NCAPD3: variants seen among roughly 807,000 people sequenced by gnomAD.
NCAPD3 encodes condensin-2 complex subunit D3.
A neutral mutation model predicts 182.9 loss-of-function variants in NCAPD3; 105 were observed. That is an observed-to-expected ratio of 0.57 (90% CI 0.49 to 0.68). The LOEUF is 0.68. Among genes scored for constraint, NCAPD3 ranks in the 30% least tolerant of loss-of-function variants. NCAPD3 has a pLI of 0.00. For synonymous variants in NCAPD3, 815 were observed against 679.9 expected (o/e 1.20, Z -3.09); for missense variants, 1,944 against 1,837.0 (o/e 1.06, Z -1.07).
At chr11:134,208,103 T>A (rs749199223) in intron 7 of NCAPD3, among the ~76,000 whole-genome samples, 2 of 152,186 alleles carry the variant, frequency 1.3e-5, no homozygotes, top group Non-Finnish European at 2.9e-5. Context: ...TAGTAAGTGG[T>A]GAAGTCAGAA....
chr11:134,170,517 T>G (rs1204863988), intron 24 of NCAPD3, among the ~76,000 whole-genome samples: 1 of 152,256 alleles, frequency 6.6e-6, no homozygotes, highest in East Asian at 1.9e-4. Context: ...GCATGGCAGT[T>G]TCCACATTAT....
chr11:134,206,601 G>A lies in NCAPD3; in HGVS notation c.1014C>T (p.Ile338=). The change falls in exon 8 of 35, where the codon ATC becomes ATT. Residue 338 remains isoleucine (I), a splice_region_variant and synonymous_variant. Coordinates refer to ENST00000534548, the MANE Select transcript of NCAPD3 (RefSeq NM_015261.3). ...AATTCACGATTTGTGTGCTTCACCT[G>A]ATAAACTGGACCGCCTGGTTTCTAC... The part of the protein sequence containing the change: ...INCRNQAVQF[I]SALVDELKES... 3 of 1,613,444 alleles carry A rather than the reference G, an allele frequency of 1.9e-6. No individual in the cohort carries two copies. The highest frequency in any genetic ancestry group is 2.5e-6 in the Non-Finnish European group (3 of 1,179,720).
intron 13 of NCAPD3, among the ~76,000 whole-genome samples, chr11:134,195,563 AT>A (rs1944610769): frequency 6.6e-6 from 1 of 152,204 alleles, no homozygotes; most frequent in South Asian, 2.1e-4. Context: ...AAAAATAACT[AT>A]ATTTTCCAAA....
At chr11:134,224,433 G>C (rs546889957), upstream of NCAPD3, 1 of 170,204 alleles carries the variant, frequency 5.9e-6, no homozygotes, top group African/African-American at 2.4e-5. Context: ...AAAGCACTCC[G>C]AGAAGACAAG....
chr11:134,205,343 T>C (rs117678422), intron 8 of NCAPD3, among the ~76,000 whole-genome samples: 290 of 152,250 alleles, frequency 1.9e-3, no homozygotes, highest in Non-Finnish European at 2.9e-3. Flanking sequence ...AATGCATTAG[T>C]AACATTACTT....
At chr11:134,158,581 G>C in intron 29 of NCAPD3, 86 bp from the exon 30 acceptor site, 1 of 1,397,148 alleles carries the variant, frequency 7.2e-7, no homozygotes, top group South Asian at 1.3e-5. Context: ...ATGGTTGGGG[G>C]TCCATATGAG....
chr11:134,197,818 T>A (rs1476733162), intron 13 of NCAPD3, among the ~76,000 whole-genome samples: 1 of 152,124 alleles, frequency 6.6e-6, no homozygotes, highest in African/African-American at 2.4e-5. Flanking sequence ...AGAGAAAGCA[T>A]TTGCAAATTC....
intron 28 of NCAPD3, among the ~76,000 whole-genome samples, chr11:134,161,249 C>T (rs1448093560): frequency 6.6e-6 from 1 of 152,144 alleles, no homozygotes; most frequent in Admixed American, 6.5e-5. Context: ...TGAGGCCCCA[C>T]TTAGGTCCGC....
Position 134,185,301 on chromosome 11 carries a change from A to G in NCAPD3, c.2237+34T>C, listed in dbSNP as rs942753235. 5.9e-6 allele frequency: 9 copies of G among 1,536,480 alleles called. No homozygotes were observed. The Admixed American group carries it at 1.9e-4, about 32-fold the overall frequency. On this transcript the variant is annotated intron_variant, in intron 17 of 34. Transcript: ENST00000534548. ...TTGGGCTTTGTTTCTAAGACTCTTC[A>G]GTGTCATTACTGGTTAAATTAGAAG...
At chr11:134,193,986 G>T (rs1375416675) in intron 15 of NCAPD3, 30 bp downstream of exon 15, 11 of 1,588,930 alleles carry the variant, frequency 6.9e-6, no homozygotes, top group Non-Finnish European at 8.6e-6. Flanking sequence ...AAAATACCAT[G>T]CATTACATAT....
intron 13 of NCAPD3, among the ~76,000 whole-genome samples, chr11:134,198,394 TC>T (rs71038568): frequency 1 from 152,306 of 152,306 alleles, 76,153 homozygotes; most frequent in Non-Finnish European, 1. Context: ...CCCCACCTTG[TC>T]CCTGCCTTTT....
chr11:134,216,264 A>G (rs1315074240), intron 3 of NCAPD3, among the ~76,000 whole-genome samples: 1 of 152,238 alleles, frequency 6.6e-6, no homozygotes, highest in East Asian at 1.9e-4. Flanking sequence ...TTTGCTAAAC[A>G]TTTGTAATTA....
chr11:134,153,441 T>G, intron 32 of NCAPD3, 78 bp from the exon 33 acceptor site: 1 of 1,430,470 alleles, frequency 7.0e-7, no homozygotes, highest in Non-Finnish European at 9.9e-7. Flanking sequence ...CCGTGGGACG[T>G]AGGCAGGGTG....
At chr11:134,154,458 G>C (rs1943357733) in intron 32 of NCAPD3, among the ~76,000 whole-genome samples, 1 of 148,808 alleles carries the variant, frequency 6.7e-6, no homozygotes, top group African/African-American at 2.5e-5. Flanking sequence ...GGCCCTGTCT[G>C]CACATTATGC....
intron 27 of NCAPD3, among the ~76,000 whole-genome samples, chr11:134,167,209 A>T (rs1343030107): frequency 2.0e-5 from 2 of 100,018 alleles, no homozygotes; most frequent in Non-Finnish European, 3.9e-5. Context: ...TAGGGAGAGC[A>T]GCACACTCGT....
intron 30 of NCAPD3, 96 bp downstream of exon 30, chr11:134,158,233 A>C: frequency 6.4e-7 from 1 of 1,553,400 alleles, no homozygotes; most frequent in Non-Finnish European, 8.8e-7. Flanking sequence ...AGACAATGAC[A>C]ATGACTTTCC....
At chr11:134,153,260 A>G (rs747756157) in intron 33 of NCAPD3, 29 bp downstream of exon 33, 2 of 1,613,826 alleles carry the variant, frequency 1.2e-6, no homozygotes, top group Non-Finnish European at 1.7e-6. Context: ...CAGTGCATCT[A>G]TCAGCCCAGA....
chr11:134,176,291 T>C lies in NCAPD3; in HGVS notation c.3101+16A>G, dbSNP rs371636313. 6.2e-6 allele frequency: 10 copies of C among 1,608,850 alleles called. No individual in the cohort carries two copies. The African/African-American group carries it at 1.2e-4, about 19-fold the overall frequency. On this transcript the variant is annotated intron_variant, in intron 24 of 34. Transcript: ENST00000534548. ...AGGTAAACTGTTGAGTCGTCTGACGTGAGGAAAAGATTTACCTGGCAATGT... is the reference window on the plus strand; with the variant it reads ...AGGTAAACTGTTGAGTCGTCTGACGCGAGGAAAAGATTTACCTGGCAATGT...
chr11:134,188,603 G>T (rs1179987020), intron 16 of NCAPD3, among the ~76,000 whole-genome samples: 1 of 152,034 alleles, frequency 6.6e-6, no homozygotes, highest in Non-Finnish European at 1.5e-5. Flanking sequence ...AACAACTCCG[G>T]ATGTGCCACC....
Sources: allele counts gnomAD v4.1 joint callset (sites outside exome capture counted in the v4.1 genomes callset), GRCh38; gene constraint gnomAD v4.1.1; transcripts MANE v1.5; gene names NCBI Gene and HGNC (gene_info 2026-07-23, HGNC 2026-07-21).